Variants in NUP153 observed in about 807,000 individuals in gnomAD.
NUP153 encodes the protein nucleoporin 153, also known as nuclear pore complex protein Nup153.
In NUP153, 27 loss-of-function variants were observed where a neutral mutation model predicts 134.6. That is an observed-to-expected ratio of 0.20 (90% CI 0.15 to 0.28). The LOEUF is 0.28. NUP153 is among the 10% of genes least tolerant of loss of function. The pLI is 1.00. For missense variants in NUP153, 1,821 were observed against 1,731.3 expected (o/e 1.05, Z -0.92); for synonymous variants, 640 against 623.5 (o/e 1.03, Z -0.40).
chr6:17,625,747 C>T lies in NUP153; in HGVS notation c.3901+61G>A, dbSNP rs1176184802. The T allele has an allele frequency of 2.4e-6, 3 of 1,275,050 alleles. No homozygotes were observed. The highest frequency in any genetic ancestry group is 3.4e-6 in the Non-Finnish European group (3 of 885,832). The allele number at this position is 1,275,050 out of a possible 1,614,324, so 79.0% of individuals were successfully genotyped here. A position where few individuals can be genotyped will look rare whatever the true frequency, so the allele number is the denominator to read the frequency against. On this transcript the variant is annotated intron_variant, in intron 19 of 21. Transcript: ENST00000262077. The surrounding 1 kb of genome is among the most constrained non-coding windows in gnomAD (Gnocchi z 4.7). The stretch of plus-strand genomic sequence containing the variant: ...CCTGCTATATGATATTCGCTAAGAA[C>T]TGACACACTAATAAGTAAAGTCCAT...
intron 11 of NUP153, among the ~76,000 whole-genome samples, chr6:17,651,003 G>C (rs1766468290): frequency 6.6e-6 from 1 of 152,130 alleles, no homozygotes; most frequent in Non-Finnish European, 1.5e-5. Flanking sequence ...TAGTGCAAAA[G>C]AGGGAGAGTT....
chr6:17,702,624 CG>C (rs1770192178), intron 1 of NUP153, among the ~76,000 whole-genome samples: 1 of 151,264 alleles, frequency 6.6e-6, no homozygotes, highest in Non-Finnish European at 1.5e-5. Context: ...TGCACTGAGC[CG>C]AGATTGCACC....
chr6:17,651,704 T>A, intron 11 of NUP153: 1 of 389,570 alleles, frequency 2.6e-6, no homozygotes, highest in South Asian at 1.2e-4. Context: ...AAGTTTTTTT[T>A]AAAAGGACAC....
intron 2 of NUP153, among the ~76,000 whole-genome samples, chr6:17,686,298 G>A (rs139344519): frequency 0.016 from 2,465 of 152,246 alleles, 29 homozygotes; most frequent in Middle Eastern, 0.037. Context: ...TATCCAGTGC[G>A]ACAAGATGTG....
chr6:17,705,084 A>G (rs368057538), intron 1 of NUP153, among the ~76,000 whole-genome samples: 1 of 152,224 alleles, frequency 6.6e-6, no homozygotes, highest in South Asian at 2.1e-4. Flanking sequence ...AAATCTGTTG[A>G]TAATGACACA....
intron 2 of NUP153, among the ~76,000 whole-genome samples, chr6:17,683,827 C>A (rs1156571862): frequency 6.6e-6 from 1 of 152,110 alleles, no homozygotes; most frequent in Non-Finnish European, 1.5e-5. Flanking sequence ...CATGTTTCAT[C>A]TGAAAATATG....
At chr6:17,681,160 TAC>T (rs1768552840) in intron 2 of NUP153, among the ~76,000 whole-genome samples, 1 of 151,228 alleles carries the variant, frequency 6.6e-6, no homozygotes, top group South Asian at 2.1e-4. Context: ...TTAAGTGAAA[TAC>T]ACCAGGCACA....
intron 14 of NUP153, among the ~76,000 whole-genome samples, chr6:17,643,896 A>G (rs1440756529): frequency 1.3e-5 from 2 of 152,242 alleles, no homozygotes; most frequent in African/African-American, 4.8e-5. Context: ...AAACATTTTA[A>G]TGCCTTTCCT....
At position 17,706,453 on chromosome 6, in the gene NUP153, C is replaced by T. The variant is rs1394551196; in HGVS notation, c.-66G>A. 7.9e-7 allele frequency: 1 copy of T among 1,266,242 alleles called. No individual in the cohort carries two copies. Among genetic ancestry groups the T allele is most frequent in the East Asian group, 2.5e-5 (1 of 40,598 alleles). The allele number at this position is 1,266,242 out of a possible 1,614,324, so 78.4% of individuals were successfully genotyped here. ...GGGCGGGAGAGGCAGAGGCGGAGGCCTTAGAGAGCCTCCCCCGCCGCCCGG... is the reference window on the plus strand; with the variant it reads ...GGGCGGGAGAGGCAGAGGCGGAGGCTTTAGAGAGCCTCCCCCGCCGCCCGG... On this transcript the variant is annotated 5_prime_UTR_variant, in exon 1 of 22. Coordinates refer to ENST00000262077, the MANE Select transcript of NUP153 (RefSeq NM_005124.4). The surrounding 1 kb of genome is among the most constrained non-coding windows in gnomAD (Gnocchi z 5.9).
intron 18 of NUP153, among the ~76,000 whole-genome samples, chr6:17,627,632 A>G (rs1378018297): frequency 6.6e-6 from 1 of 152,088 alleles, no homozygotes; most frequent in Non-Finnish European, 1.5e-5. Context: ...ACTAGTTGGG[A>G]TTATAGGTGT....
At position 17,632,846 on chromosome 6, in the gene NUP153, T is replaced by TGAA; in HGVS notation, c.2465-3_2465-2insTTC. 7.1e-5 allele frequency: 61 copies of TGAA among 864,516 alleles called. 2 individuals are homozygous for TGAA. The East Asian group carries it at 1.6e-3, about 22-fold the overall frequency. 53.6% of individuals were successfully genotyped at this position (864,516 alleles called of 1,614,324 possible). On this transcript the variant is annotated splice_polypyrimidine_tract_variant and splice_region_variant and intron_variant, in intron 16 of 21. Transcript: ENST00000262077. ...TACTTGAAGCAGGTACTGAACTTCC[T>TGAA]AAAAAAAAAAAAAAAAACGGGGAGT... is the stretch of plus-strand genomic sequence containing the variant.
chr6:17,681,815 A>G (rs1241905556), intron 2 of NUP153, among the ~76,000 whole-genome samples: 1 of 152,170 alleles, frequency 6.6e-6, no homozygotes, highest in Non-Finnish European at 1.5e-5. Flanking sequence ...TCATCCCTGC[A>G]TCAGTTTCTC....
At chr6:17,665,727 T>C (rs1223056335) in intron 8 of NUP153, among the ~76,000 whole-genome samples, 1 of 151,922 alleles carries the variant, frequency 6.6e-6, no homozygotes, top group Non-Finnish European at 1.5e-5. Context: ...GTTTTTTGTT[T>C]TTTTTTTTTA....
chr6:17,647,858 A>C lies in NUP153; in HGVS notation c.1581T>G (p.Phe527Leu). The part of the protein sequence containing the change: ...PSSTGSPMFK[F>L]SSPIVKSTEA... ...CAGTAGATTTTACGATTGGAGATGA[A>C]AATTTAAACATGGGACTGCCAGTGC... The change falls in exon 13 of 22, where the codon TTT (phenylalanine) becomes TTG (leucine). Residue 527 changes from phenylalanine to leucine, a missense_variant. Transcript: ENST00000262077. The C allele has an allele frequency of 6.2e-7, 1 of 1,613,764 alleles. No individual in the cohort carries two copies. The highest frequency in any genetic ancestry group is 1.7e-5 in the Admixed American group (1 of 60,024).
rs61746226 is a variant in NUP153, at chr6:17,706,293, C to T, written c.95G>A (p.Gly32Glu). 7.9e-3 allele frequency: 12,715 copies of T among 1,613,470 alleles called. 65 individuals carry two copies. The highest frequency in any genetic ancestry group is 9.7e-3 in the Non-Finnish European group (11,431 of 1,179,548). Reference protein sequence around the residue: ...HQGPIKPYQQGRQQHQGILSR... With the variant: ...HQGPIKPYQQERQQHQGILSR... ...GTCCCATACCTGATGCTGTTGTCGC[C>T]CCTGCTGGTAAGGCTTAATTGGCCC... The change falls in exon 1 of 22, where the codon GGG becomes GAG. Residue 32 changes from glycine to glutamate, a missense_variant. Coordinates refer to ENST00000262077, the MANE Select transcript of NUP153 (RefSeq NM_005124.4). The surrounding 1 kb of genome is among the most constrained non-coding windows in gnomAD (Gnocchi z 5.9).
At chr6:17,622,475 A>T (rs1003945219) in intron 20 of NUP153, among the ~76,000 whole-genome samples, 4 of 152,168 alleles carry the variant, frequency 2.6e-5, no homozygotes, top group Non-Finnish European at 5.9e-5. Flanking sequence ...AAAAAATTTA[A>T]AAAAGGATTT....
intron 20 of NUP153, among the ~76,000 whole-genome samples, chr6:17,623,933 A>G (rs1764781142): frequency 6.6e-6 from 1 of 152,178 alleles, no homozygotes; most frequent in Non-Finnish European, 1.5e-5. Flanking sequence ...GTGTTTTCAA[A>G]AAGAGATACA....
chr6:17,646,482 A>G (rs1177975954), intron 13 of NUP153, among the ~76,000 whole-genome samples: 1 of 152,222 alleles, frequency 6.6e-6, no homozygotes, highest in Non-Finnish European at 1.5e-5. Context: ...CTGGGATTAC[A>G]GGCGTGAGCC....
At chr6:17,671,327 T>G (rs1561892455) in intron 5 of NUP153, among the ~76,000 whole-genome samples, 1 of 152,180 alleles carries the variant, frequency 6.6e-6, no homozygotes, top group African/African-American at 2.4e-5. Context: ...TAAAAGGTAC[T>G]GGGAAGTGTT....
Sources: allele counts gnomAD v4.1 joint callset (sites outside exome capture counted in the v4.1 genomes callset), GRCh38; gene constraint gnomAD v4.1.1; non-coding constraint Gnocchi (gnomAD v3.1); transcripts MANE v1.5; gene names NCBI Gene and HGNC (gene_info 2026-07-23, HGNC 2026-07-21).